Variants in OTUD4 observed in about 807,000 individuals in gnomAD.
The protein encoded by OTUD4 is OTU deubiquitinase 4.
Under a neutral mutation model 130.4 loss-of-function variants are expected in OTUD4, and 24 were observed. The observed-to-expected ratio is 0.18, with a 90% CI of 0.13 to 0.26. OTUD4 has a LOEUF of 0.26. OTUD4 is among the 10% of genes least tolerant of loss of function. The pLI is 1.00. For synonymous variants in OTUD4, 420 were observed against 472.5 expected (o/e 0.89, Z 1.44); for missense variants, 1,031 against 1,329.4 (o/e 0.78, Z 3.49).
Position 145,155,418 on chromosome 4 carries a change from T to C in OTUD4, c.866A>G (p.Lys289Arg), listed in dbSNP as rs141411048. The C allele has an allele frequency of 1.2e-6, 2 of 1,609,266 alleles. No individual in the cohort carries two copies. Among genetic ancestry groups the C allele is most frequent in the African/African-American group, 2.7e-5 (2 of 74,688 alleles). The part of the protein sequence containing the change: ...AAGLQYEVGD[K>R]CQVRLDHNGK... ...TTTACATAAGTCACTTACTTGACAT[T>C]TGTCTCCAACTTCATATTGTAAGCC... Residue 289 changes from lysine to arginine, a missense_variant, in exon 10 of 21, where the codon AAA becomes AGA. Around this residue, in one of 3 missense-constraint regions of OTUD4, gnomAD observed 900 missense variants for 1,095.9 expected, o/e 0.82. Coordinates refer to ENST00000447906, the MANE Select transcript of OTUD4 (RefSeq NM_001366057.1).
intron 3 of OTUD4, among the ~76,000 whole-genome samples, chr4:145,169,133 G>A (rs950817595): frequency 1.3e-5 from 2 of 152,206 alleles, no homozygotes; most frequent in African/African-American, 4.8e-5. Flanking sequence ...CCAGGGGATA[G>A]GCGGAAGAGG....
chr4:145,165,277 T>A lies in OTUD4; in HGVS notation c.295-80A>T, dbSNP rs1033974995. ...CTTTATATTTCTATACATACCTTCA[T>A]ACAGCATACGTAATGAGTTCTTAAA... On this transcript the variant is annotated intron_variant, in intron 3 of 20. Coordinates refer to ENST00000447906, the MANE Select transcript of OTUD4 (RefSeq NM_001366057.1). 44 of 837,096 alleles carry A rather than the reference T, an allele frequency of 5.3e-5. No individual in the cohort carries two copies. In the East Asian group the frequency reaches 1.0e-3, roughly 20 times the overall value. The allele number at this position is 837,096 out of a possible 1,614,324, so 51.9% of individuals were successfully genotyped here. A position where few individuals can be genotyped will look rare whatever the true frequency, so the allele number is the denominator to read the frequency against.
In OTUD4 at chr4:145,144,351, T is replaced by C. The variant is rs537817204; in HGVS notation, c.1506A>G (p.Gly502=). ...RKSSHVGDRK[G]SRRRMDTEER... is the part of the protein sequence containing the mutation. ...CTTCTGTATCCATTCTCCGCCTGCT[T>C]CCTTTTCTATCACCTACATGTGATG... Residue 502 remains glycine, a synonymous_variant, in exon 15 of 21, where the codon GGA becomes GGG. Coordinates refer to ENST00000447906, the MANE Select transcript of OTUD4 (RefSeq NM_001366057.1). The C allele has an allele frequency of 6.4e-5, 103 of 1,612,832 alleles. No individual in the cohort carries two copies. In the South Asian group the frequency reaches 9.9e-4, roughly 16 times the overall value.
Position 145,141,629 on chromosome 4 carries a change from A to G in OTUD4, c.1833T>C (p.Ala611=), listed in dbSNP as rs779955604. Residue 611 remains alanine (A), a synonymous_variant, in exon 19 of 21, where the codon GCT becomes GCC. Coordinates refer to ENST00000447906, the MANE Select transcript of OTUD4 (RefSeq NM_001366057.1). ...PTTFGPTGVP[A]PIPVLSVTQT... is the part of the protein sequence containing the mutation. The stretch of plus-strand genomic sequence containing the variant: ...GTGTCACTGACAAAACGGGAATTGG[A>G]GCAGGGACACCTACAAAAGAGAAGA... The G allele has an allele frequency of 1.3e-6, 2 of 1,536,454 alleles. No homozygotes were observed. The highest frequency in any genetic ancestry group is 2.3e-5 in the East Asian group (1 of 43,182).
rs576331187 is a variant in OTUD4 at position 145,134,901 on chromosome 4, T to C, written c.*2529A>G. On this transcript the variant is annotated 3_prime_UTR_variant, in exon 21 of 21. Coordinates refer to ENST00000447906, the MANE Select transcript of OTUD4 (RefSeq NM_001366057.1). ...TCATAATATGGTGAAGTTTCATAAT[T>C]TCCAACTCAAAAATACAAATGATCC... is the stretch of plus-strand genomic sequence containing the variant. The C allele has an allele frequency of 1.0e-5, 4 of 398,894 alleles. No homozygotes were observed. In the South Asian group the frequency reaches 3.8e-4, roughly 38 times the overall value. 24.7% of individuals were successfully genotyped at this position (398,894 alleles called of 1,614,324 possible).
intron 20 of OTUD4, among the ~76,000 whole-genome samples, chr4:145,139,535 G>A (rs1177895398): frequency 1.3e-5 from 2 of 152,112 alleles, no homozygotes; most frequent in Admixed American, 6.5e-5. Flanking sequence ...TTCAATAATG[G>A]AGGCAAGTAA....
At chr4:145,152,237 G>A (rs369590366) in intron 11 of OTUD4, among the ~76,000 whole-genome samples, 2 of 152,112 alleles carry the variant, frequency 1.3e-5, no homozygotes, top group South Asian at 2.1e-4. Context: ...TCAGCCTCTT[G>A]AGTAGCTGGA....
chr4:145,146,729 C>T (rs1314234269), intron 13 of OTUD4, among the ~76,000 whole-genome samples: 2 of 152,006 alleles, frequency 1.3e-5, no homozygotes, highest in Non-Finnish European at 2.9e-5. Flanking sequence ...AACTTATTTC[C>T]AAATGATACA....
intron 7 of OTUD4, among the ~76,000 whole-genome samples, chr4:145,157,839 G>C (rs901343370): frequency 6.6e-6 from 1 of 152,056 alleles, no homozygotes; most frequent in African/African-American, 2.4e-5. Flanking sequence ...AACTTCTCCA[G>C]CTTACTAGCC....
At chr4:145,151,490 C>T (rs1291546010) in intron 11 of OTUD4, among the ~76,000 whole-genome samples, 1 of 152,018 alleles carries the variant, frequency 6.6e-6, no homozygotes, top group South Asian at 2.1e-4. Context: ...AAAAAATTAG[C>T]CGGGCGTAGT....
intron 3 of OTUD4, among the ~76,000 whole-genome samples, chr4:145,166,149 A>T (rs1343604555): frequency 6.6e-6 from 1 of 151,834 alleles, no homozygotes; most frequent in Non-Finnish European, 1.5e-5. Context: ...CAACAAGAGC[A>T]AAACTCGGTC....
chr4:145,143,923 C>T lies in OTUD4; in HGVS notation c.1602+23G>A, dbSNP rs36226331. The T allele has an allele frequency of 3.3e-3, 5,181 of 1,574,334 alleles. 167 individuals carry two copies. In the African/African-American group the frequency reaches 0.062, roughly 19 times the overall value. On this transcript the variant is annotated intron_variant, in intron 16 of 20. Coordinates refer to ENST00000447906, the MANE Select transcript of OTUD4 (RefSeq NM_001366057.1). ...CAGTATTAAGGAAAAAGAAAAGATG[C>T]AAGTAGTGTTTAAAACTTTTACCTC...
intron 14 of OTUD4, chr4:145,145,951 A>G (rs1750796849): frequency 6.0e-6 from 1 of 166,214 alleles, no homozygotes; most frequent in African/African-American, 2.4e-5. Context: ...TAACTAAATC[A>G]TGAACCTCTA....
rs1227825454 is a variant in OTUD4, at chr4:145,152,715, G to A, written c.874-80C>T. On this transcript the variant is annotated intron_variant, in intron 10 of 20. Transcript: ENST00000447906. ...TTGCATTACTTATCAGTTTTTTGCGGTTCTTTTTTTTTTTTTCTTGAGACA... is the reference window on the plus strand; with the variant it reads ...TTGCATTACTTATCAGTTTTTTGCGATTCTTTTTTTTTTTTTCTTGAGACA... 7 of 780,130 alleles carry A rather than the reference G, an allele frequency of 9.0e-6. No individual in the cohort carries two copies. The Admixed American group carries it at 1.5e-4, about 17-fold the overall frequency. 48.3% of individuals were successfully genotyped at this position (780,130 alleles called of 1,614,324 possible). A position where few individuals can be genotyped will look rare whatever the true frequency, so the allele number is the denominator to read the frequency against.
chr4:145,162,465 T>C (rs1012615097), intron 6 of OTUD4, among the ~76,000 whole-genome samples, 175 bp downstream of exon 6: 1 of 151,050 alleles, frequency 6.6e-6, no homozygotes, highest in Non-Finnish European at 1.5e-5. Context: ...GAGGCAGGAG[T>C]GGCATGAACC....
rs372757053 is a variant in OTUD4 at position 145,141,490 on chromosome 4, A to G, written c.1972T>C (p.Leu658=). Residue 658 remains leucine (L), a synonymous_variant, in exon 19 of 21, where the codon TTG becomes CTG. Coordinates refer to ENST00000447906, the MANE Select transcript of OTUD4 (RefSeq NM_001366057.1). ...NQPLMPLPQT[L]SLYQDPLYPG... is the part of the protein sequence containing the mutation. ...TAGAGTGGGTCTTGATAAAGGCTCA[A>G]TGTCTGAGGCAAAGGCATCAAGGGC... The G allele has an allele frequency of 8.1e-6, 13 of 1,613,532 alleles. No homozygotes were observed. In the African/African-American group the frequency reaches 1.5e-4, roughly 18 times the overall value.
chr4:145,156,063 A>T, intron 7 of OTUD4, 67 bp from the exon 8 acceptor site: 1 of 1,247,746 alleles, frequency 8.0e-7, no homozygotes, highest in Non-Finnish European at 1.1e-6. Flanking sequence ...TTCTAACCTC[A>T]TCTAAACGTC....
At position 145,137,428 on chromosome 4, in the gene OTUD4, C is replaced by A. The variant is rs773259194; in HGVS notation, c.*2G>T. ...TGTTAGAAAATACTTCGGCAACAAC[C>A]ATCAAGTGTGCTGTCCCCTATGGCC... On this transcript the variant is annotated 3_prime_UTR_variant, in exon 21 of 21. Transcript: ENST00000447906. 15 of 1,594,414 alleles carry A rather than the reference C, an allele frequency of 9.4e-6. No individual in the cohort carries two copies. Among genetic ancestry groups the A allele is most frequent in the Non-Finnish European group, 1.3e-5 (15 of 1,168,230 alleles).
At position 145,138,079 on chromosome 4, in the gene OTUD4, A is replaced by G. The variant is rs1437207875; in HGVS notation, c.2696T>C (p.Leu899Pro). The G allele has an allele frequency of 6.2e-7, 1 of 1,614,132 alleles. No homozygotes were observed. The highest frequency in any genetic ancestry group is 1.3e-5 in the African/African-American group (1 of 75,050). Residue 899 changes from leucine to proline, a missense_variant, in exon 21 of 21, where the codon CTG (leucine) becomes CCG (proline). By Grantham distance (98) the Leu-to-Pro change is moderately conservative. Around this residue, in one of 3 missense-constraint regions of OTUD4, gnomAD observed 900 missense variants for 1,095.9 expected, o/e 0.82. Coordinates refer to ENST00000447906, the MANE Select transcript of OTUD4 (RefSeq NM_001366057.1). ...ELDLSLENLD[L>P]SKDCGSVSTV... ...TGAAACTGAACCACAATCTTTAGAC[A>G]GATCCAGATTTTCCAGAGACAGATC...
Sources: gnomAD v4.1 joint callset for allele counts (sites outside exome capture counted in the v4.1 genomes callset) on GRCh38, gnomAD v4.1.1 for gene constraint, gnomAD v4.1.1 regional missense constraint, MANE v1.5 for transcripts, NCBI Gene and HGNC (gene_info 2026-07-23, HGNC 2026-07-21) for gene names.